SLC5A5: variants seen among roughly 807,000 people sequenced by gnomAD.
SLC5A5 encodes the protein solute carrier family 5 member 5.
SLC5A5 carries 56 observed loss-of-function variants against 68.6 expected under a neutral mutation model. That is an observed-to-expected ratio of 0.82 (90% CI 0.66 to 1.02). The LOEUF is 1.02. Among genes scored for constraint, SLC5A5 ranks in the 50% least tolerant of loss-of-function variants. SLC5A5 has a pLI of 0.00. For synonymous variants in SLC5A5, 398 were observed against 373.0 expected (o/e 1.07, Z -0.77); for missense variants, 807 against 859.8 (o/e 0.94, Z 0.77).
chr19:17,872,473 C>G lies in SLC5A5; in HGVS notation c.154C>G (p.Arg52Gly). ...CGCTGAGGACTTCTTCACCGGGGGC[C>G]GGCGCCTGGCGGCCCTGCCCGTGGG... ...RSAEDFFTGG[R>G]RLAALPVGLS... The change falls in exon 1 of 15, where the codon CGG becomes GGG. Residue 52 changes from arginine to glycine, a missense_variant. Arg to Gly is a moderately radical substitution (Grantham distance 125). Transcript: ENST00000222248. 1 of 1,611,162 alleles carries G rather than the reference C, an allele frequency of 6.2e-7. No homozygotes were observed. Among genetic ancestry groups the G allele is most frequent in the Non-Finnish European group, 8.5e-7 (1 of 1,179,180 alleles).
chr19:17,878,060 TCTC>T lies in SLC5A5; in HGVS notation c.942_944del (p.Leu315del). ...TTGTGTTCTACACTGACTGCGACCC[TCTC>T]CTCCTGGGGCGCATCTCTGCCCCAG... On this transcript the variant is annotated inframe_deletion, in exon 7 of 15. Transcript: ENST00000222248. 1 of 1,612,576 alleles carries T rather than the reference TCTC, an allele frequency of 6.2e-7. No homozygotes were observed. Among genetic ancestry groups the T allele is most frequent in the Non-Finnish European group, 8.5e-7 (1 of 1,179,982 alleles).
In SLC5A5 at chr19:17,883,752, G is replaced by A. The variant is rs775752734; in HGVS notation, c.1314G>A (p.Pro438=). The A allele has an allele frequency of 2.6e-5, 42 of 1,612,800 alleles. No homozygotes were observed. The highest frequency in any genetic ancestry group is 1.0e-4 in the Admixed American group (6 of 59,988). ...LGAFILGMFL[P]ACNTPGVLAG... ...CCTTCATCTTGGGAATGTTCCTGCC[G>A]GCCTGCAACACACCGGTGAGTGGGG... The change falls in exon 11 of 15, where the codon CCG becomes CCA. Residue 438 remains proline (P), a synonymous_variant. Transcript: ENST00000222248.
Position 17,880,862 on chromosome 19 carries a change from C to A in SLC5A5, c.970-3C>A, listed in dbSNP as rs781024695. ...TGGGAGGCTGACCCCCAGTTCTCCC[C>A]AGTACATGCCTCTGCTGGTGCTGGA... On this transcript the variant is annotated splice_polypyrimidine_tract_variant and splice_region_variant and intron_variant, in intron 7 of 14. Transcript: ENST00000222248. 1 of 1,612,294 alleles carries A rather than the reference C, an allele frequency of 6.2e-7. No homozygotes were observed. The highest frequency in any genetic ancestry group is 1.3e-5 in the African/African-American group (1 of 74,902).
chr19:17,873,540 G>T (rs1473993056), intron 1 of SLC5A5, among the ~76,000 whole-genome samples: 2 of 151,880 alleles, frequency 1.3e-5, no homozygotes, highest in African/African-American at 4.8e-5. Flanking sequence ...GGTGGATCAC[G>T]AGGTCAGGAG....
Position 17,890,910 on chromosome 19 carries a change from C to A in SLC5A5, c.1676C>A (p.Ala559Asp), listed in dbSNP as rs1325825705. The change falls in exon 14 of 15, where the codon GCC (alanine) becomes GAC (aspartate). Residue 559 changes from alanine (A) to aspartate (D), a missense_variant. Transcript: ENST00000222248. The stretch of plus-strand genomic sequence containing the variant: ...GGCCCCACCAAGCGCAGCACCCTGG[C>A]CCCGGGATTGTTGTGGTGGGACCTC... ...LTGPTKRSTL[A>D]PGLLWWDLAR... 9 of 1,613,780 alleles carry A rather than the reference C, an allele frequency of 5.6e-6. No individual in the cohort carries two copies. The highest frequency in any genetic ancestry group is 1.7e-5 in the Admixed American group (1 of 59,990).
Position 17,875,976 on chromosome 19 carries a change from A to T in SLC5A5, c.568A>T (p.Thr190Ser). 1 of 1,614,104 alleles carries T rather than the reference A, an allele frequency of 6.2e-7. No homozygotes were observed. Among genetic ancestry groups the T allele is most frequent in the Non-Finnish European group, 8.5e-7 (1 of 1,180,012 alleles). Residue 190 changes from threonine (T) to serine (S), a missense_variant, in exon 5 of 15, where the codon ACT becomes TCT. Coordinates refer to ENST00000222248, the MANE Select transcript of SLC5A5 (RefSeq NM_000453.3). Reference protein sequence around the residue: ...AVGGMKAVVWTDVFQVVVMLS... With the variant: ...AVGGMKAVVWSDVFQVVVMLS... ...GGGCGGCATGAAGGCTGTGGTCTGG[A>T]CTGATGTGTTCCAGGTCGTGGTGAT...
At chr19:17,882,385 G>T (rs2094322727) in intron 10 of SLC5A5, among the ~76,000 whole-genome samples, 166 bp downstream of exon 10, 1 of 151,670 alleles carries the variant, frequency 6.6e-6, no homozygotes, top group Non-Finnish European at 1.5e-5. Context: ...TCCCAGGTTG[G>T]TGAGCAGAGG....
intron 2 of SLC5A5, 119 bp downstream of exon 2, chr19:17,874,322 C>A (rs979952672): frequency 5.6e-5 from 46 of 823,432 alleles, no homozygotes; most frequent in Non-Finnish European, 8.4e-5. Flanking sequence ...CGTTCTGACC[C>A]CGCCCCCATC....
rs543765478 is a variant in SLC5A5, at chr19:17,885,411, A to T, written c.1526+1365A>T. ...TTTGATTTTTTGGAGACAGGGTCTC[A>T]CTCTAACACCCAGGCTGGAGTGCAA... On this transcript the variant is annotated intron_variant, in intron 12 of 14. Transcript: ENST00000222248. Among the ~76,000 whole-genome samples the T allele has an allele frequency of 2.5e-4, 37 of 150,586 alleles. 1 individual carries two copies. The South Asian group carries it at 7.6e-3, about 31-fold the overall frequency.
intron 14 of SLC5A5, among the ~76,000 whole-genome samples, chr19:17,891,904 C>A (rs946179281): frequency 9.2e-5 from 14 of 152,070 alleles, no homozygotes; most frequent in African/African-American, 2.2e-4. Flanking sequence ...GGTCTAAGAC[C>A]CCCACCCCAC....
In SLC5A5 at chr19:17,888,412, G is replaced by A. The variant is rs562401047; in HGVS notation, c.1608G>A (p.Thr536=). The A allele has an allele frequency of 6.2e-6, 10 of 1,613,808 alleles. No individual in the cohort carries two copies. Among genetic ancestry groups the A allele is most frequent in the African/African-American group, 4.0e-5 (3 of 74,972 alleles). ...ISYLYYGALG[T]LTTVLCGALI... is the part of the protein sequence containing the mutation. ...ATCTCTATTACGGTGCCCTGGGCAC[G>A]CTGACCACTGTGCTGTGCGGAGCCC... The change falls in exon 13 of 15, where the codon ACG becomes ACA. Residue 536 remains threonine (T), a synonymous_variant. Transcript: ENST00000222248.
chr19:17,881,937 C>T, intron 8 of SLC5A5, 23 bp from the exon 9 acceptor site: 1 of 1,572,630 alleles, frequency 6.4e-7, no homozygotes, highest in Non-Finnish European at 8.7e-7. Context: ...GCCTGAGGAC[C>T]CCCCGCTGCC....
At chr19:17,874,267 C>T (rs1197180050) in intron 2 of SLC5A5, 64 bp downstream of exon 2, 2 of 1,221,174 alleles carry the variant, frequency 1.6e-6, no homozygotes, top group South Asian at 1.2e-5. Context: ...ACTAGCCCGG[C>T]CCCCACCATT....
intron 6 of SLC5A5, 41 bp downstream of exon 6, chr19:17,877,904 G>A: frequency 6.2e-7 from 1 of 1,613,526 alleles, no homozygotes. Flanking sequence ...TCTGGGACAT[G>A]CTGCCCCCCT....
chr19:17,888,788 A>G lies in SLC5A5; in HGVS notation c.1651+333A>G, dbSNP rs1293393520. Among the ~76,000 whole-genome samples, 4 of 151,628 alleles carry G rather than the reference A, an allele frequency of 2.6e-5. 1 individual carries two copies. The highest frequency in any genetic ancestry group is 2.0e-4 in the Admixed American group (3 of 15,146). ...GCTGGGATTACAAGTGTGTGCCGCC[A>G]TGCTTGGCTAATTTTGCATTTTTAG... is the stretch of plus-strand genomic sequence containing the variant. On this transcript the variant is annotated intron_variant, in intron 13 of 14. Coordinates refer to ENST00000222248, the MANE Select transcript of SLC5A5 (RefSeq NM_000453.3).
At position 17,880,960 on chromosome 19, in the gene SLC5A5, A is replaced by C; in HGVS notation, c.1058+7A>C. 1.2e-6 allele frequency: 2 copies of C among 1,607,060 alleles called. No individual in the cohort carries two copies. Among genetic ancestry groups the C allele is most frequent in the Non-Finnish European group, 1.7e-6 (2 of 1,173,958 alleles). ...CTTACAGTGGCACCCTCAGGTGAGCACCCCTGCTTGTTCATGGAGCATTAT... is the reference window on the plus strand; with the variant it reads ...CTTACAGTGGCACCCTCAGGTGAGCCCCCCTGCTTGTTCATGGAGCATTAT... On this transcript the variant is annotated splice_region_variant and intron_variant, in intron 8 of 14. Coordinates refer to ENST00000222248, the MANE Select transcript of SLC5A5 (RefSeq NM_000453.3).
intron 7 of SLC5A5, among the ~76,000 whole-genome samples, chr19:17,879,676 C>T (rs988417743): frequency 2.6e-5 from 4 of 152,282 alleles, no homozygotes; most frequent in Middle Eastern, 3.4e-3. Flanking sequence ...CTGCAGTCCT[C>T]CCTGGAGGTC....
At chr19:17,883,621 C>A in intron 10 of SLC5A5, 60 bp from the exon 11 acceptor site, 1 of 1,385,308 alleles carries the variant, frequency 7.2e-7, no homozygotes, top group Non-Finnish European at 1.0e-6. Flanking sequence ...AGCGGGTAAA[C>A]TGAGGCCCAG....
At chr19:17,888,524 CA>C in intron 13 of SLC5A5, 69 bp downstream of exon 13, 1 of 1,581,446 alleles carries the variant, frequency 6.3e-7, no homozygotes. Context: ...CTCCACCCAG[CA>C]GGGAGGGGAG....
Sources: gnomAD v4.1 joint callset for allele counts (sites outside exome capture counted in the v4.1 genomes callset) on GRCh38, gnomAD v4.1.1 for gene constraint, MANE v1.5 for transcripts, NCBI Gene and HGNC (gene_info 2026-07-23, HGNC 2026-07-21) for gene names.